The following TTC28 variants were observed in gnomAD, a reference collection of about 807,000 sequenced individuals.
TTC28 encodes tetratricopeptide repeat domain 28, also known as tetratricopeptide repeat protein 28.
A neutral mutation model predicts 198.0 loss-of-function variants in TTC28; 61 were observed. The ratio of observed to expected loss-of-function variants is 0.31; its 90% CI spans 0.25 to 0.38. The LOEUF (loss-of-function observed/expected upper bound fraction) is 0.38. Ranked by LOEUF, TTC28 falls within the 10% of genes least tolerant of loss-of-function variation. The pLI is 1.00. For synonymous variants in TTC28, 1,171 were observed against 1,297.8 expected (o/e 0.90, Z 2.10); for missense variants, 2,678 against 3,164.0 (o/e 0.85, Z 3.69).
At chr22:28,660,032 C>A (rs190471027) in intron 1 of TTC28, among the ~76,000 whole-genome samples, 37 of 151,982 alleles carry the variant, frequency 2.4e-4, no homozygotes, top group African/African-American at 8.9e-4. Flanking sequence ...TGGGCTCAGG[C>A]GATCCTCTCA....
rs563883103 is a variant in TTC28 at position 27,993,516 on chromosome 22, C to T, written c.5247G>A (p.Val1749=). ...TCTGGATGCGCTGCAGGGATTTCTC[C>T]ACCTGAGGGGGAATTGGGGGTGAGT... The part of the protein sequence containing the change: ...RDALRVLLHL[V]EKSLQRIQNG... Residue 1749 remains valine (V), a splice_region_variant and synonymous_variant, in exon 18 of 23, where the codon GTG becomes GTA. Coordinates refer to ENST00000397906, the MANE Select transcript of TTC28 (RefSeq NM_001145418.2). 1.3e-6 allele frequency: 2 copies of T among 1,541,100 alleles called. No individual in the cohort carries two copies. The highest frequency in any genetic ancestry group is 1.8e-6 in the Non-Finnish European group (2 of 1,139,546).
Position 28,107,608 on chromosome 22 carries a change from T to C in TTC28, c.2237A>G (p.Gln746Arg), listed in dbSNP as rs1267631969. Residue 746 changes from glutamine to arginine, a missense_variant, in exon 7 of 23, where the codon CAG becomes CGG. Gln to Arg is a conservative substitution (Grantham distance 43). This residue lies in a region of TTC28 where 775 missense variants were observed against 845.9 expected (regional missense o/e 0.92). Transcript: ENST00000397906. The stretch of plus-strand genomic sequence containing the variant: ...GGCTTCTAATCTTCTGTCCTTTACC[T>C]GGTGAGCTAAGCCCAGTTGCTGCTC... ...FYEQQLGLAHQVKDRRLEASA... is the reference protein window; with the variant it reads ...FYEQQLGLAHRVKDRRLEASA... 1 of 1,551,770 alleles carries C rather than the reference T, an allele frequency of 6.4e-7. No individual in the cohort carries two copies.
At chr22:28,546,329 C>A (rs1237120410) in intron 2 of TTC28, among the ~76,000 whole-genome samples, 1 of 152,098 alleles carries the variant, frequency 6.6e-6, no homozygotes, top group African/African-American at 2.4e-5. Flanking sequence ...ACCTGTAGTC[C>A]CAGCTACTTG....
chr22:27,983,940 A>G (rs1298856983), intron 22 of TTC28, 89 bp from the exon 23 acceptor site: 1 of 1,330,472 alleles, frequency 7.5e-7, no homozygotes, highest in Non-Finnish European at 1.0e-6. Flanking sequence ...CTTTATATGC[A>G]TAGAAGCTAG....
chr22:28,266,853 A>G (rs1430788473), intron 5 of TTC28, among the ~76,000 whole-genome samples: 1 of 152,226 alleles, frequency 6.6e-6, no homozygotes, highest in Non-Finnish European at 1.5e-5. Flanking sequence ...ATGACCATTA[A>G]GCATCTGAAA....
Position 27,996,230 on chromosome 22 carries a change from G to A in TTC28, c.5149C>T (p.Leu1717=). The A allele has an allele frequency of 6.4e-7, 1 of 1,551,182 alleles. No homozygotes were observed. Among genetic ancestry groups the A allele is most frequent in the Non-Finnish European group, 8.7e-7 (1 of 1,147,006 alleles). ...CCGATGAGTGATGAGGGGCTGTTCAGCTTAACGTCACTCCCGATGAGCATG... is the reference window on the plus strand; with the variant it reads ...CCGATGAGTGATGAGGGGCTGTTCAACTTAACGTCACTCCCGATGAGCATG... ...GFMLIGSDVK[L]NSPSSLIGQA... is the part of the protein sequence containing the mutation. Residue 1717 remains leucine, a synonymous_variant, in exon 17 of 23, where the codon CTG becomes TTG. Transcript: ENST00000397906.
rs1483249875 is a variant in TTC28 at position 27,983,178 on chromosome 22, G to A, written c.6489C>T (p.Ala2163=). 6.4e-7 allele frequency: 1 copy of A among 1,551,812 alleles called. No individual in the cohort carries two copies. Residue 2163 remains alanine (A), a synonymous_variant, in exon 23 of 23, where the codon GCC becomes GCT. Coordinates refer to ENST00000397906, the MANE Select transcript of TTC28 (RefSeq NM_001145418.2). ...SNPKLDPQEL[A]QKILEETQSH... is the part of the protein sequence containing the mutation. ...TCTGTGTCTCCTCCAGAATTTTCTGGGCTAACTCTTGTGGATCCAGTTTTG... is the reference window on the plus strand; with the variant it reads ...TCTGTGTCTCCTCCAGAATTTTCTGAGCTAACTCTTGTGGATCCAGTTTTG...
intron 6 of TTC28, among the ~76,000 whole-genome samples, chr22:28,132,435 G>A (rs1019893608): frequency 2.0e-5 from 3 of 152,198 alleles, no homozygotes; most frequent in Admixed American, 6.5e-5. Flanking sequence ...GGAGAAATGC[G>A]TTCTCTTCTT....
At chr22:28,553,286 C>T (rs528873542) in intron 2 of TTC28, among the ~76,000 whole-genome samples, 37 of 150,532 alleles carry the variant, frequency 2.5e-4, no homozygotes, top group African/African-American at 8.8e-4. Context: ...CCTGGCTGCC[C>T]AGTCTGGAAA....
intron 2 of TTC28, among the ~76,000 whole-genome samples, chr22:28,613,691 A>G (rs1024594638): frequency 1.3e-5 from 2 of 152,168 alleles, no homozygotes; most frequent in African/African-American, 4.8e-5. Context: ...CAAAGACAAA[A>G]ACCACATGAT....
At chr22:28,068,868 A>G (rs1225652567) in intron 12 of TTC28, among the ~76,000 whole-genome samples, 1 of 152,204 alleles carries the variant, frequency 6.6e-6, no homozygotes, top group Non-Finnish European at 1.5e-5. Context: ...TCAACGAGAA[A>G]TCATTTCCCT....
intron 6 of TTC28, among the ~76,000 whole-genome samples, chr22:28,157,307 T>C (rs1444238478): frequency 6.6e-6 from 1 of 152,068 alleles, no homozygotes; most frequent in East Asian, 1.9e-4. Flanking sequence ...AAAGCTGTAA[T>C]AAAGTTTCCC....
At chr22:28,026,644 T>C (rs1197440728) in intron 13 of TTC28, among the ~76,000 whole-genome samples, 2 of 152,066 alleles carry the variant, frequency 1.3e-5, no homozygotes, top group Non-Finnish European at 2.9e-5. Context: ...ACCAGAAGTG[T>C]CTCTCACAGG....
At chr22:28,442,109 C>G (rs1209917080) in intron 2 of TTC28, among the ~76,000 whole-genome samples, 1 of 152,014 alleles carries the variant, frequency 6.6e-6, no homozygotes, top group Non-Finnish European at 1.5e-5. Flanking sequence ...TTGATAGAAC[C>G]GCTGGATTTT....
chr22:28,494,424 C>G (rs1197476603), intron 2 of TTC28, among the ~76,000 whole-genome samples: 1 of 152,144 alleles, frequency 6.6e-6, no homozygotes, highest in Non-Finnish European at 1.5e-5. Flanking sequence ...CTAATCTCTA[C>G]CTAGGAACTT....
At chr22:28,041,418 A>T (rs1939634796) in intron 12 of TTC28, among the ~76,000 whole-genome samples, 1 of 152,330 alleles carries the variant, frequency 6.6e-6, no homozygotes, top group East Asian at 1.9e-4. Flanking sequence ...GAAGCCTCAG[A>T]AATAACACCA....
At chr22:28,153,408 A>C (rs920743126) in intron 6 of TTC28, among the ~76,000 whole-genome samples, 10 of 150,814 alleles carry the variant, frequency 6.6e-5, no homozygotes, top group Admixed American at 4.6e-4. Context: ...AAAAAAAAAA[A>C]AAAAAAAAAA....
intron 2 of TTC28, among the ~76,000 whole-genome samples, chr22:28,589,026 CT>C (rs1462614297): frequency 6.6e-6 from 1 of 152,156 alleles, no homozygotes; most frequent in Non-Finnish European, 1.5e-5. Context: ...ATATTGTATG[CT>C]TAAGCCTTCT....
chr22:28,661,617 T>G (rs548350562), intron 1 of TTC28, among the ~76,000 whole-genome samples: 181 of 151,092 alleles, frequency 1.2e-3, no homozygotes, highest in African/African-American at 4.0e-3. Flanking sequence ...ATAGTTTTGT[T>G]TTTTTTTTTG....
Sources: gnomAD v4.1 joint callset for allele counts (sites outside exome capture counted in the v4.1 genomes callset) on GRCh38, gnomAD v4.1.1 for gene constraint, gnomAD v4.1.1 regional missense constraint, MANE v1.5 for transcripts, NCBI Gene and HGNC (gene_info 2026-07-23, HGNC 2026-07-21) for gene names.